The following CDH18 variants were observed in gnomAD, a reference collection of about 807,000 sequenced individuals.
CDH18 encodes cadherin-18.
CDH18 carries 31 observed loss-of-function variants against 67.9 expected under a neutral mutation model. That is an observed-to-expected ratio of 0.46 (90% confidence interval 0.34 to 0.62). The LOEUF is 0.62. Ranked by LOEUF, CDH18 falls within the 20% of genes least tolerant of loss-of-function variation. The pLI, the probability that CDH18 is intolerant of heterozygous loss-of-function variation, is 0.01. For synonymous variants in CDH18, 362 were observed against 347.2 expected, an observed-to-expected ratio of 1.04 and a Z score of -0.48; for missense variants, 890 against 975.5, an observed-to-expected ratio of 0.91 and a Z score of 1.17.
At chr5:20,282,425 G>C (rs1276618087) in intron 1 of CDH18, among the ~76,000 whole-genome samples, 1 of 151,930 alleles carries the variant, frequency 6.6e-6, no homozygotes, top group East Asian at 1.9e-4. Context: ...TAGCATGAAG[G>C]GCTGTTTAAT....
chr5:20,065,188 A>T (rs964535034), intron 2 of CDH18, among the ~76,000 whole-genome samples: 27 of 151,958 alleles, frequency 1.8e-4, no homozygotes, highest in African/African-American at 6.5e-4. Flanking sequence ...GTTTAAAAAA[A>T]TGGCTCTCGT....
chr5:19,903,617 CTTTTTTTT>C (rs59678864), intron 2 of CDH18, among the ~76,000 whole-genome samples: 8 of 89,980 alleles, frequency 8.9e-5, no homozygotes, highest in Non-Finnish European at 1.7e-4. Context: ...AGCAAAGTGG[CTTTTTTTT>C]TTTTTTTTTT....
At chr5:19,739,235 A>G (rs1768774127) in intron 4 of CDH18, among the ~76,000 whole-genome samples, 1 of 152,176 alleles carries the variant, frequency 6.6e-6, no homozygotes, top group African/African-American at 2.4e-5. Flanking sequence ...AGGGGATACA[A>G]TAACAGAATG....
chr5:19,707,599 T>C (rs1243374793), intron 5 of CDH18, among the ~76,000 whole-genome samples: 1 of 152,208 alleles, frequency 6.6e-6, no homozygotes, highest in Non-Finnish European at 1.5e-5. Context: ...TCTGCCTATC[T>C]GTTTGGGAAA....
chr5:19,969,243 G>C, intron 2 of CDH18, among the ~76,000 whole-genome samples: 1 of 143,512 alleles, frequency 7.0e-6, no homozygotes, highest in Non-Finnish European at 1.5e-5. Context: ...TACACTGTTG[G>C]TGGGACTGTA....
At chr5:20,541,123 G>T (rs1300387868) in intron 1 of CDH18, among the ~76,000 whole-genome samples, 2 of 152,160 alleles carry the variant, frequency 1.3e-5, no homozygotes, top group Non-Finnish European at 2.9e-5. Context: ...ACATCTATTT[G>T]AGGTCAGAAT....
intron 2 of CDH18, among the ~76,000 whole-genome samples, chr5:19,996,678 G>A (rs980306396): frequency 2.0e-5 from 3 of 151,836 alleles, no homozygotes; most frequent in Admixed American, 6.6e-5. Context: ...TTACTAGAAT[G>A]TTTATTGATC....
chr5:19,810,897 C>A (rs908177388), intron 3 of CDH18, among the ~76,000 whole-genome samples: 3 of 151,802 alleles, frequency 2.0e-5, no homozygotes, highest in Non-Finnish European at 2.9e-5. Flanking sequence ...GTGGCACATG[C>A]CTGTAATCCC....
intron 5 of CDH18, among the ~76,000 whole-genome samples, chr5:19,632,281 G>A (rs1167340339): frequency 6.6e-6 from 1 of 152,120 alleles, no homozygotes. Context: ...CTCGCCCCCA[G>A]TCAGTGAATT....
chr5:19,655,663 T>A lies in CDH18; in HGVS notation c.644-43062A>T, dbSNP rs550125426. Among the ~76,000 whole-genome samples, 12 of 152,282 alleles carry A rather than the reference T, an allele frequency of 7.9e-5. No individual in the cohort carries two copies. In the South Asian group the frequency reaches 2.3e-3, roughly 29 times the overall value. On this transcript the variant is annotated intron_variant, in intron 5 of 12. Coordinates refer to ENST00000382275, the MANE Select transcript of CDH18 (RefSeq NM_004934.5). ...ATTTGGATATGTCACACTAATTAAG[T>A]GCTACATTGGATGTCTCCTCTTAAG...
At chr5:20,329,483 C>T (rs1738946579) in intron 1 of CDH18, among the ~76,000 whole-genome samples, 1 of 151,924 alleles carries the variant, frequency 6.6e-6, no homozygotes, top group South Asian at 2.1e-4. Context: ...TTAAATGGGG[C>T]CGGGCATGGT....
intron 1 of CDH18, among the ~76,000 whole-genome samples, chr5:20,404,743 G>A (rs916270324): frequency 2.6e-5 from 4 of 152,150 alleles, no homozygotes; most frequent in Admixed American, 2.0e-4. Context: ...AACGTGATAT[G>A]GAGATATGAA....
At chr5:20,374,721 T>G (rs913093142) in intron 1 of CDH18, among the ~76,000 whole-genome samples, 1 of 152,144 alleles carries the variant, frequency 6.6e-6, no homozygotes, top group African/African-American at 2.4e-5. Flanking sequence ...AATTTAACTT[T>G]GAATGTTCTT....
intron 1 of CDH18, among the ~76,000 whole-genome samples, chr5:20,413,746 C>T (rs1405647414): frequency 6.6e-6 from 1 of 152,180 alleles, no homozygotes. Context: ...CAAAAATTTT[C>T]TCCCATTCTG....
At chr5:20,426,268 AT>A (rs1720510802) in intron 1 of CDH18, among the ~76,000 whole-genome samples, 1 of 151,180 alleles carries the variant, frequency 6.6e-6, no homozygotes, top group Non-Finnish European at 1.5e-5. Context: ...TTAAAACTGT[AT>A]TTGGTGATAT....
At chr5:19,709,479 A>C (rs1484448818) in intron 5 of CDH18, among the ~76,000 whole-genome samples, 1 of 152,094 alleles carries the variant, frequency 6.6e-6, no homozygotes, top group East Asian at 1.9e-4. Flanking sequence ...AGGCTGGAGA[A>C]TCACTTGAAA....
intron 7 of CDH18, among the ~76,000 whole-genome samples, chr5:19,578,194 A>C (rs763871296): frequency 6.6e-6 from 1 of 152,218 alleles, no homozygotes; most frequent in Non-Finnish European, 1.5e-5. Context: ...TAGGAAACGA[A>C]TGTAAATTTG....
intron 3 of CDH18, among the ~76,000 whole-genome samples, chr5:19,762,691 G>A (rs112098442): frequency 0.052 from 7,986 of 152,124 alleles, 672 homozygotes; most frequent in African/African-American, 0.18. Context: ...ACATTGTGGC[G>A]ATTCCTCAAG....
chr5:19,473,512 T>C lies in CDH18; in HGVS notation c.2087A>G (p.Lys696Arg), dbSNP rs372756197. Residue 696 changes from lysine to arginine, a missense_variant, in exon 13 of 13, where the codon AAG (lysine) becomes AGG (arginine). Lys to Arg is a conservative substitution (Grantham distance 26). Around this residue, in one of 2 missense-constraint regions of CDH18, gnomAD observed 656 missense variants for 668.1 expected, o/e 0.98. Coordinates refer to ENST00000382275, the MANE Select transcript of CDH18 (RefSeq NM_004934.5). ...KYRRDIRPEV[K>R]LTPRHQTSST... is the part of the protein sequence containing the mutation. ...TGATGTCTGGTGTCTGGGAGTGAGC[T>C]TCACTTCAGGTCTGATATCCCTCCG... 3 of 1,613,710 alleles carry C rather than the reference T, an allele frequency of 1.9e-6. No individual in the cohort carries two copies. The South Asian group carries it at 3.3e-5, about 18-fold the overall frequency.
Sources: allele counts gnomAD v4.1 joint callset (sites outside exome capture counted in the v4.1 genomes callset), GRCh38; gene constraint gnomAD v4.1.1; regional missense constraint gnomAD v4.1.1; transcripts MANE v1.5; gene names NCBI Gene and HGNC (gene_info 2026-07-23, HGNC 2026-07-21).